The following ZDHHC18 variants were observed in gnomAD, a reference collection of about 807,000 sequenced individuals.
The protein encoded by ZDHHC18 is palmitoyltransferase ZDHHC18.
In ZDHHC18, 23 loss-of-function variants were observed where a neutral mutation model predicts 37.5. The observed-to-expected ratio is 0.61, with a 90% CI of 0.44 to 0.87. The LOEUF (loss-of-function observed/expected upper bound fraction) is 0.87, where lower values mean the gene tolerates loss of function less well. ZDHHC18 is among the 40% of genes least tolerant of loss of function. ZDHHC18 has a pLI of 0.00. For synonymous variants in ZDHHC18, 185 were observed against 218.7 expected, an observed-to-expected ratio of 0.85 and a Z score of 1.36; for missense variants, 406 against 525.6, an observed-to-expected ratio of 0.77 and a Z score of 2.22.
At position 26,853,741 on chromosome 1, in the gene ZDHHC18, G is replaced by C. The variant is rs2081719033; in HGVS notation, c.1065G>C (p.Arg355Ser). 1.9e-6 allele frequency: 3 copies of C among 1,614,052 alleles called. No individual in the cohort carries two copies. The highest frequency in any genetic ancestry group is 1.7e-5 in the Admixed American group (1 of 60,018). ...GTTTTGGAAGCCTAATTGACCGGAG[G>C]GGATTTGTGCAGTCCGACACCGTGT... ...GPLPPSLIDR[R>S]GFVQSDTVLP... is the part of the protein sequence containing the mutation. Residue 355 changes from arginine to serine, a missense_variant, in exon 8 of 8, where the codon AGG (arginine) becomes AGC (serine). Coordinates refer to ENST00000374142, the MANE Select transcript of ZDHHC18 (RefSeq NM_032283.3).
intron 2 of ZDHHC18, among the ~76,000 whole-genome samples, chr1:26,846,814 T>C (rs888037389): frequency 2.0e-5 from 3 of 152,192 alleles, no homozygotes; most frequent in Admixed American, 2.0e-4. Context: ...CTATAAATAT[T>C]TCAACATATG....
rs200031787 is a variant in ZDHHC18 at position 26,832,533 on chromosome 1, A to G, written c.422A>G (p.Gln141Arg). 6.2e-7 allele frequency: 1 copy of G among 1,614,168 alleles called. No homozygotes were observed. The highest frequency in any genetic ancestry group is 2.2e-5 in the East Asian group (1 of 44,880). ...TTCTTCGTCATGAGCTGCCTGCTGC[A>G]GACAAGCTTCACCGACCCTGGGATC... ...LFFFVMSCLL[Q>R]TSFTDPGILP... Residue 141 changes from glutamine to arginine, a missense_variant, in exon 2 of 8, where the codon CAG becomes CGG. Gln to Arg is a conservative substitution (Grantham distance 43, BLOSUM62 1). Transcript: ENST00000374142.
At chr1:26,828,592 C>A (rs2081570123) in intron 1 of ZDHHC18, among the ~76,000 whole-genome samples, 1 of 152,102 alleles carries the variant, frequency 6.6e-6, no homozygotes, top group Admixed American at 6.5e-5. Flanking sequence ...CCCAGGTACC[C>A]TTTCTAGCTG....
At chr1:26,840,398 C>T (rs2081631814) in intron 2 of ZDHHC18, among the ~76,000 whole-genome samples, 1 of 152,200 alleles carries the variant, frequency 6.6e-6, no homozygotes, top group African/African-American at 2.4e-5. Flanking sequence ...TGAATTCTCA[C>T]CTAATCCTTC....
chr1:26,851,371 C>G, intron 6 of ZDHHC18, 140 bp downstream of exon 6: 2 of 750,238 alleles, frequency 2.7e-6, no homozygotes, highest in Non-Finnish European at 4.5e-6. Flanking sequence ...AGATGCCTCC[C>G]AGTCATCTCA....
chr1:26,834,486 T>C (rs1485605871), intron 2 of ZDHHC18, among the ~76,000 whole-genome samples: 2 of 152,190 alleles, frequency 1.3e-5, no homozygotes, highest in African/African-American at 4.8e-5. Context: ...TCTTCTCCAC[T>C]TGTTTCCTGT....
intron 3 of ZDHHC18, among the ~76,000 whole-genome samples, chr1:26,849,407 C>T (rs1359631912): frequency 6.6e-6 from 1 of 152,210 alleles, no homozygotes; most frequent in Admixed American, 6.5e-5. Flanking sequence ...AGTGACTGTG[C>T]ATAGTTCCCA....
intron 2 of ZDHHC18, among the ~76,000 whole-genome samples, chr1:26,847,475 G>A (rs2081676110): frequency 6.6e-6 from 1 of 151,928 alleles, no homozygotes. Flanking sequence ...GCCTCCCAAG[G>A]TGCTGGGACT....
At chr1:26,831,305 A>G (rs2081587940) in intron 1 of ZDHHC18, among the ~76,000 whole-genome samples, 1 of 152,178 alleles carries the variant, frequency 6.6e-6, no homozygotes, top group African/African-American at 2.4e-5. Context: ...GTCATGGGCT[A>G]TTGTGATGGG....
intron 6 of ZDHHC18, 75 bp from the exon 7 acceptor site, chr1:26,852,678 C>A: frequency 7.5e-7 from 1 of 1,329,828 alleles, no homozygotes; most frequent in South Asian, 1.2e-5. Flanking sequence ...CCAGTTGTCC[C>A]CAGCCTCTAG....
rs778682980 is a variant in ZDHHC18, at chr1:26,850,152, C to T, written c.647-149C>T. 1.1e-6 allele frequency: 1 copy of T among 905,402 alleles called. No homozygotes were observed. The highest frequency in any genetic ancestry group is 1.7e-6 in the Non-Finnish European group (1 of 601,268). 56.1% of individuals were successfully genotyped at this position (905,402 alleles called of 1,614,324 possible). A position where few individuals can be genotyped will look rare whatever the true frequency, so the allele number is the denominator to read the frequency against. ...CAGTGGGAACTGGTACACAAAGGAC[C>T]AGAGGCAGGTGTGTCCAAGGCCTGG... On this transcript the variant is annotated intron_variant, in intron 3 of 7. Transcript: ENST00000374142. The surrounding 1 kb of genome is among the most constrained non-coding windows in gnomAD (Gnocchi z 6.1).
chr1:26,843,361 G>A (rs370062977), intron 2 of ZDHHC18, among the ~76,000 whole-genome samples: 2 of 149,812 alleles, frequency 1.3e-5, no homozygotes, highest in African/African-American at 2.5e-5. Flanking sequence ...GGCTGGTCTC[G>A]AACTCCTGAC....
intron 6 of ZDHHC18, among the ~76,000 whole-genome samples, chr1:26,852,525 C>T (rs2081710527): frequency 6.6e-6 from 1 of 152,198 alleles, no homozygotes; most frequent in African/African-American, 2.4e-5. Flanking sequence ...GAAACGTTTC[C>T]TCTGGATGCT....
chr1:26,833,776 C>T (rs937358123), intron 2 of ZDHHC18, among the ~76,000 whole-genome samples: 1 of 152,058 alleles, frequency 6.6e-6, no homozygotes, highest in Non-Finnish European at 1.5e-5. Flanking sequence ...TTCACACAGG[C>T]TTTTAAACAC....
intron 1 of ZDHHC18, among the ~76,000 whole-genome samples, 179 bp from the exon 2 acceptor site, chr1:26,832,268 C>T (rs2081591386): frequency 6.6e-6 from 1 of 152,092 alleles, no homozygotes; most frequent in Non-Finnish European, 1.5e-5. Context: ...ATGTCTGTTC[C>T]CGGTACTTAT....
At chr1:26,853,621 C>T (rs997189622) in intron 7 of ZDHHC18, 105 bp from the exon 8 acceptor site, 8 of 1,097,570 alleles carry the variant, frequency 7.3e-6, no homozygotes, top group Admixed American at 5.7e-5. Flanking sequence ...CAGCCTTTCT[C>T]AGCCTGGGCC....
chr1:26,846,288 G>GTATATATATATA (rs1452291069), intron 2 of ZDHHC18, among the ~76,000 whole-genome samples: 5 of 53,156 alleles, frequency 9.4e-5, no homozygotes, highest in East Asian at 2.3e-3. Context: ...GTGTGTGTGT[G>GTATATATATATA]TGTATATATA....
chr1:26,841,838 A>G (rs979215740), intron 2 of ZDHHC18, among the ~76,000 whole-genome samples: 3 of 152,074 alleles, frequency 2.0e-5, no homozygotes, highest in Non-Finnish European at 4.4e-5. Flanking sequence ...TATTTTACAG[A>G]TAAAGAAACT....
At chr1:26,847,138 G>A (rs1289495559) in intron 2 of ZDHHC18, among the ~76,000 whole-genome samples, 5 of 151,870 alleles carry the variant, frequency 3.3e-5, no homozygotes, top group Non-Finnish European at 4.4e-5. Flanking sequence ...CTCATGATCC[G>A]CCCGCCTCGG....
Sources: allele counts gnomAD v4.1 joint callset (sites outside exome capture counted in the v4.1 genomes callset), GRCh38; gene constraint gnomAD v4.1.1; non-coding constraint Gnocchi (gnomAD v3.1); transcripts MANE v1.5; gene names NCBI Gene and HGNC (gene_info 2026-07-23, HGNC 2026-07-21).